Variants in TANK observed in about 807,000 individuals in gnomAD.
TANK encodes TRAF family member-associated NF-kappa-B activator.
A neutral mutation model predicts 43.6 loss-of-function variants in TANK; 15 were observed. That is an observed-to-expected ratio of 0.34 (90% CI 0.23 to 0.53). The LOEUF is 0.53. TANK is among the 20% of genes least tolerant of loss of function. TANK has a pLI of 0.94. For missense variants in TANK, 417 were observed against 498.6 expected (o/e 0.84, Z 1.56); for synonymous variants, 162 against 178.2 (o/e 0.91, Z 0.73).
Position 161,235,501 on chromosome 2 carries a change from T to C in TANK, c.1261T>C (p.Phe421Leu). Residue 421 changes from phenylalanine to leucine, a missense_variant, in exon 8 of 8, where the codon TTC becomes CTC. Phe to Leu is a conservative substitution (Grantham distance 22, BLOSUM62 0). Transcript: ENST00000392749. ...TTTCCTTCGGCATCTTAATTCACACTTCAATGGAGAGACTTAAGACACATT... is the reference window on the plus strand; with the variant it reads ...TTTCCTTCGGCATCTTAATTCACACCTCAATGGAGAGACTTAAGACACATT... ...GDFLRHLNSH[F>L]NGET 1.2e-6 allele frequency: 2 copies of C among 1,613,532 alleles called. No homozygotes were observed. The highest frequency in any genetic ancestry group is 1.7e-6 in the Non-Finnish European group (2 of 1,179,760).
chr2:161,177,509 C>T (rs573717545), intron 1 of TANK, among the ~76,000 whole-genome samples: 1 of 152,156 alleles, frequency 6.6e-6, no homozygotes, highest in East Asian at 1.9e-4. Context: ...AATCTGGACC[C>T]CTACCTCACA....
chr2:161,160,318 G>A (rs1684350310), upstream of TANK: 1 of 739,990 alleles, frequency 1.4e-6, no homozygotes, highest in Non-Finnish European at 1.9e-6. Flanking sequence ...GGGCTGGGTG[G>A]GGCAGGGCGG....
chr2:161,165,346 A>AT (rs1374376639), intron 1 of TANK, among the ~76,000 whole-genome samples: 5 of 152,000 alleles, frequency 3.3e-5, no homozygotes, highest in African/African-American at 1.2e-4. Flanking sequence ...AAAATAAAGG[A>AT]TTTTTTTTAA....
At position 161,161,425 on chromosome 2, in the gene TANK, C is replaced by A. The variant is rs930773320; in HGVS notation, c.-50+939C>A. Reference sequence around the variant, plus strand: ...ACCCAAACGAGAGGTAGCAGAGAAGCAAGCAGTGCATTCTGTTAAAAATTA... The same window carrying A: ...ACCCAAACGAGAGGTAGCAGAGAAGAAAGCAGTGCATTCTGTTAAAAATTA... On this transcript the variant is annotated intron_variant, in intron 1 of 7. Coordinates refer to ENST00000392749, the MANE Select transcript of TANK (RefSeq NM_001199135.3). 7 of 1,550,614 alleles carry A rather than the reference C, an allele frequency of 4.5e-6. No individual in the cohort carries two copies. The African/African-American group carries it at 8.2e-5, about 18-fold the overall frequency.
chr2:161,158,981 A>C (rs1175489962), upstream of TANK, among the ~76,000 whole-genome samples: 2 of 152,230 alleles, frequency 1.3e-5, no homozygotes, highest in Non-Finnish European at 2.9e-5. Flanking sequence ...AATGCAAATT[A>C]AAACAACAAT....
intron 4 of TANK, chr2:161,208,280 G>A: frequency 2.2e-6 from 2 of 892,680 alleles, no homozygotes; most frequent in African/African-American, 3.6e-5. Flanking sequence ...TAAGAAACAT[G>A]AAATTTATAG....
chr2:161,234,669 A>G (rs1688089906), intron 7 of TANK, among the ~76,000 whole-genome samples: 1 of 152,248 alleles, frequency 6.6e-6, no homozygotes, highest in Non-Finnish European at 1.5e-5. Flanking sequence ...AAGAATGAGT[A>G]AGGCCAAACT....
At chr2:161,227,312 G>A (rs555677694) in intron 6 of TANK, among the ~76,000 whole-genome samples, 1 of 152,292 alleles carries the variant, frequency 6.6e-6, no homozygotes, top group African/African-American at 2.4e-5. Context: ...TCACAGCGGG[G>A]ATAGATCAAC....
At chr2:161,234,083 G>A (rs2105181307) in intron 7 of TANK, among the ~76,000 whole-genome samples, 1 of 152,254 alleles carries the variant, frequency 6.6e-6, no homozygotes, top group South Asian at 2.1e-4. Context: ...ATATTTGAAT[G>A]TGTCTGGGTG....
intron 4 of TANK, among the ~76,000 whole-genome samples, chr2:161,205,911 C>T (rs1336206441): frequency 6.6e-6 from 1 of 152,128 alleles, no homozygotes; most frequent in Admixed American, 6.5e-5. Flanking sequence ...TCAAGCAATT[C>T]TACAGGCGCA....
Position 161,230,916 on chromosome 2 carries a change from A to AT in TANK, c.521-48dup, listed in dbSNP as rs969919772. 43 of 1,384,396 alleles carry AT rather than the reference A, an allele frequency of 3.1e-5. No homozygotes were observed. The Middle Eastern group carries it at 7.3e-4, about 23-fold the overall frequency. The allele number at this position is 1,384,396 out of a possible 1,614,324, so 85.8% of individuals were successfully genotyped here. On this transcript the variant is annotated intron_variant, in intron 6 of 7. Transcript: ENST00000392749. ...AATCTCTCCAAAGCTGATTGAACAG[A>AT]TTTTTTTAATGATTTGAATGCGGCT...
At chr2:161,197,474 T>C (rs1366068868) in intron 2 of TANK, 1 of 152,240 alleles carries the variant, frequency 6.6e-6, no homozygotes, top group Non-Finnish European at 1.5e-5. Context: ...AAACATGTGC[T>C]ACATGCTCTG....
intron 1 of TANK, among the ~76,000 whole-genome samples, chr2:161,174,378 TATC>T (rs1685087298): frequency 6.6e-6 from 1 of 152,176 alleles, no homozygotes; most frequent in East Asian, 1.9e-4. Context: ...TACAGTATCA[TATC>T]ATCTCTTTAC....
At chr2:161,215,864 A>G (rs1319651339) in intron 4 of TANK, among the ~76,000 whole-genome samples, 4 of 152,134 alleles carry the variant, frequency 2.6e-5, no homozygotes, top group Non-Finnish European at 5.9e-5. Context: ...ATTTCCTGAA[A>G]GATTTTTTTT....
At chr2:161,173,247 C>T (rs1037573542) in intron 1 of TANK, among the ~76,000 whole-genome samples, 4 of 152,214 alleles carry the variant, frequency 2.6e-5, no homozygotes, top group East Asian at 1.9e-4. Flanking sequence ...TCATGGCACC[C>T]TCACCTCGCT....
chr2:161,221,333 T>G (rs1349254768), intron 4 of TANK, among the ~76,000 whole-genome samples: 1 of 152,204 alleles, frequency 6.6e-6, no homozygotes, highest in Non-Finnish European at 1.5e-5. Context: ...TCCCTTGCTT[T>G]CTTATTTGAA....
chr2:161,225,518 C>T (rs940099608), intron 6 of TANK, among the ~76,000 whole-genome samples: 1 of 152,172 alleles, frequency 6.6e-6, no homozygotes, highest in African/African-American at 2.4e-5. Context: ...AAACCCCAGA[C>T]TGGCTTCCTG....
At chr2:161,185,351 G>A (rs1029066915) in intron 2 of TANK, among the ~76,000 whole-genome samples, 2 of 152,108 alleles carry the variant, frequency 1.3e-5, no homozygotes, top group Non-Finnish European at 2.9e-5. Flanking sequence ...GTTAAGTTGA[G>A]TGGGAAGGGC....
intron 1 of TANK, among the ~76,000 whole-genome samples, chr2:161,146,782 G>A (rs1413813731): frequency 6.6e-6 from 1 of 152,166 alleles, no homozygotes; most frequent in Non-Finnish European, 1.5e-5. Flanking sequence ...GACCCCTGTT[G>A]GAGGGTCTCA....
Sources: allele counts gnomAD v4.1 joint callset (sites outside exome capture counted in the v4.1 genomes callset), GRCh38; gene constraint gnomAD v4.1.1; transcripts MANE v1.5; gene names NCBI Gene and HGNC (gene_info 2026-07-23, HGNC 2026-07-21).